The following DNM3 variants were observed in gnomAD, a reference collection of about 807,000 sequenced individuals.
The protein encoded by DNM3 is dynamin-3.
A neutral mutation model predicts 101.6 loss-of-function variants in DNM3; 47 were observed. That is an observed-to-expected ratio of 0.46 (90% confidence interval 0.37 to 0.59). The LOEUF (loss-of-function observed/expected upper bound fraction) is 0.59. Among genes scored for constraint, DNM3 ranks in the 20% least tolerant of loss-of-function variants. The pLI is 0.00. For synonymous variants in DNM3, 385 were observed against 387.9 expected, an observed-to-expected ratio of 0.99 and a Z score of 0.09; for missense variants, 849 against 1,085.7, an observed-to-expected ratio of 0.78 and a Z score of 3.06.
chr1:171,988,037 T>G (rs981832970), intron 3 of DNM3, among the ~76,000 whole-genome samples: 1 of 152,176 alleles, frequency 6.6e-6, no homozygotes, highest in African/African-American at 2.4e-5. Context: ...TTTCTTCATT[T>G]TTATTATAAG....
intron 14 of DNM3, among the ~76,000 whole-genome samples, chr1:172,150,953 C>T (rs1436574738): frequency 6.6e-6 from 1 of 152,120 alleles, no homozygotes; most frequent in Non-Finnish European, 1.5e-5. Context: ...CTTTCTCACC[C>T]TTGAGTTTAT....
At chr1:172,246,252 G>C (rs2061949588) in intron 14 of DNM3, among the ~76,000 whole-genome samples, 1 of 152,098 alleles carries the variant, frequency 6.6e-6, no homozygotes, top group Non-Finnish European at 1.5e-5. Context: ...GCATTCCAGG[G>C]GTGTCTTAGA....
At chr1:172,143,673 A>G (rs904778807) in intron 14 of DNM3, among the ~76,000 whole-genome samples, 1 of 152,162 alleles carries the variant, frequency 6.6e-6, no homozygotes, top group African/African-American at 2.4e-5. Context: ...AGCTATAGGC[A>G]AGAGGGCTCA....
Position 171,927,743 on chromosome 1 carries a change from G to A in DNM3, c.235+5922G>A, listed in dbSNP as rs760436867. ...ATGGAGGGAGCTGGCTATATTGTCCGTTATTGTAATTCTTAGTTTCCTTGG... is the reference window on the plus strand; with the variant it reads ...ATGGAGGGAGCTGGCTATATTGTCCATTATTGTAATTCTTAGTTTCCTTGG... On this transcript the variant is annotated intron_variant, in intron 2 of 20. Transcript: ENST00000627582. Among the ~76,000 whole-genome samples the A allele has an allele frequency of 5.5e-4, 84 of 152,296 alleles. 1 individual carries two copies. The highest frequency in any genetic ancestry group is 5.1e-4 in the African/African-American group (21 of 41,572).
intron 15 of DNM3, among the ~76,000 whole-genome samples, chr1:172,293,601 C>G (rs1312801063): frequency 6.6e-6 from 1 of 152,098 alleles, no homozygotes. Context: ...GAAGCTTCAT[C>G]GACAGAATTT....
At position 171,920,718 on chromosome 1, in the gene DNM3, T is replaced by C. The variant is rs1461307131; in HGVS notation, c.162-1030T>C. On this transcript the variant is annotated intron_variant, in intron 1 of 20. Transcript: ENST00000627582. ...GCAATAATTTATGTGGCATTGCAGA[T>C]GTAATATTATGTAGTACTATCTTTG... 4.6e-5 allele frequency among the ~76,000 whole-genome samples: 7 copies of C among 152,362 alleles called. No homozygotes were observed. In the South Asian group the frequency reaches 6.2e-4, roughly 14 times the overall value.
intron 14 of DNM3, among the ~76,000 whole-genome samples, chr1:172,194,748 C>T (rs570135700): frequency 2.6e-5 from 4 of 151,852 alleles, no homozygotes; most frequent in African/African-American, 7.2e-5. Context: ...TTTGATCCTA[C>T]GTGTGTCTCT....
chr1:172,010,294 G>GT (rs1238963954), intron 4 of DNM3, among the ~76,000 whole-genome samples: 3 of 151,746 alleles, frequency 2.0e-5, no homozygotes, highest in Admixed American at 6.6e-5. Flanking sequence ...ATTTGCAAAG[G>GT]TTTTTTTAAA....
At chr1:172,351,177 A>C (rs945254874) in intron 17 of DNM3, among the ~76,000 whole-genome samples, 1 of 152,132 alleles carries the variant, frequency 6.6e-6, no homozygotes, top group Admixed American at 6.6e-5. Flanking sequence ...GAGACTTCCC[A>C]TGGCAATTAA....
intron 15 of DNM3, among the ~76,000 whole-genome samples, chr1:172,280,286 C>T (rs2063442077): frequency 6.6e-6 from 1 of 152,090 alleles, no homozygotes. Context: ...CTATTTTGTT[C>T]ATGACACTTA....
intron 1 of DNM3, among the ~76,000 whole-genome samples, chr1:171,861,821 A>G (rs1006697172): frequency 3.3e-5 from 5 of 152,166 alleles, no homozygotes; most frequent in Non-Finnish European, 5.9e-5. Context: ...AATGGGGGGA[A>G]ATTTTTGCAA....
chr1:172,285,349 G>A (rs928319131), intron 15 of DNM3, among the ~76,000 whole-genome samples: 20 of 152,112 alleles, frequency 1.3e-4, no homozygotes, highest in African/African-American at 4.8e-4. Context: ...CCCAGACTTT[G>A]GGCCATGAAT....
At chr1:172,349,499 T>G (rs2067102749) in intron 17 of DNM3, among the ~76,000 whole-genome samples, 1 of 152,220 alleles carries the variant, frequency 6.6e-6, no homozygotes, top group South Asian at 2.1e-4. Context: ...AAGTGATCCA[T>G]CTTTATTTAT....
chr1:172,182,892 T>G (rs1251909557), intron 14 of DNM3, among the ~76,000 whole-genome samples: 1 of 152,120 alleles, frequency 6.6e-6, no homozygotes, highest in Non-Finnish European at 1.5e-5. Context: ...CACTTTATTT[T>G]GAGAGTAAGT....
At chr1:171,942,264 C>T (rs2041869750) in intron 2 of DNM3, among the ~76,000 whole-genome samples, 1 of 125,316 alleles carries the variant, frequency 8.0e-6, no homozygotes, top group African/African-American at 3.1e-5. Flanking sequence ...TGCTTGGAGT[C>T]TGGACCTCAG....
chr1:171,864,340 T>C (rs939467500), intron 1 of DNM3: 11 of 152,186 alleles, frequency 7.2e-5, no homozygotes, highest in Non-Finnish European at 1.6e-4. Flanking sequence ...GAAGAACACA[T>C]TTGGTGTAGA....
chr1:172,123,885 A>G (rs1333740649), intron 13 of DNM3, among the ~76,000 whole-genome samples: 1 of 152,122 alleles, frequency 6.6e-6, no homozygotes, highest in Non-Finnish European at 1.5e-5. Context: ...TCAAAGCTCT[A>G]TCAGTTCTGC....
At chr1:172,396,058 C>T (rs1181090557) in intron 20 of DNM3, among the ~76,000 whole-genome samples, 2 of 152,206 alleles carry the variant, frequency 1.3e-5, no homozygotes, top group Non-Finnish European at 2.9e-5. Context: ...GCACTTTTTG[C>T]CCTGTGACTG....
intron 15 of DNM3, among the ~76,000 whole-genome samples, chr1:172,260,953 C>T (rs1270631803): frequency 1.4e-5 from 2 of 145,466 alleles, no homozygotes; most frequent in African/African-American, 2.5e-5. Flanking sequence ...CCTTCCTCTC[C>T]TTCCTTCCTT....
Sources: gnomAD v4.1 joint callset for allele counts (sites outside exome capture counted in the v4.1 genomes callset) on GRCh38, gnomAD v4.1.1 for gene constraint, MANE v1.5 for transcripts, NCBI Gene and HGNC (gene_info 2026-07-23, HGNC 2026-07-21) for gene names.